SPOCK1: variants seen among roughly 807,000 people sequenced by gnomAD.
SPOCK1 encodes the protein testican-1.
In SPOCK1, 23 loss-of-function variants were observed where a neutral mutation model predicts 55.3. That is an observed-to-expected ratio of 0.42 (90% CI 0.30 to 0.59). The LOEUF is 0.59. SPOCK1 is among the 20% of genes least tolerant of loss of function. SPOCK1 has a pLI of 0.22. For synonymous variants in SPOCK1, 226 were observed against 221.0 expected, an observed-to-expected ratio of 1.02 and a Z score of -0.20; for missense variants, 499 against 552.5, an observed-to-expected ratio of 0.90 and a Z score of 0.97.
intron 2 of SPOCK1, among the ~76,000 whole-genome samples, chr5:137,380,823 A>C (rs1472121251): frequency 1.3e-5 from 2 of 152,164 alleles, no homozygotes; most frequent in Admixed American, 1.3e-4. Context: ...GGCCCCTTCC[A>C]AATCTCATGT....
At chr5:137,084,684 C>T (rs1057455808) in intron 5 of SPOCK1, among the ~76,000 whole-genome samples, 1 of 152,036 alleles carries the variant, frequency 6.6e-6, no homozygotes, top group Non-Finnish European at 1.5e-5. Flanking sequence ...GAAGGTTAAA[C>T]CACAGCGCCT....
At chr5:137,308,326 G>A (rs1053414951) in intron 2 of SPOCK1, among the ~76,000 whole-genome samples, 11 of 152,158 alleles carry the variant, frequency 7.2e-5, no homozygotes, top group Admixed American at 2.0e-4. Flanking sequence ...CCTCTCCTCT[G>A]CTCTGCTCTG....
chr5:137,144,109 G>A (rs1252414268), intron 3 of SPOCK1, among the ~76,000 whole-genome samples: 1 of 152,122 alleles, frequency 6.6e-6, no homozygotes, highest in African/African-American at 2.4e-5. Flanking sequence ...ACACCCCACA[G>A]GATGAGGTCA....
intron 2 of SPOCK1, among the ~76,000 whole-genome samples, chr5:137,335,895 A>G (rs1750263321): frequency 6.6e-6 from 1 of 152,230 alleles, no homozygotes; most frequent in Non-Finnish European, 1.5e-5. Flanking sequence ...TCGCCAATCT[A>G]GAACACAGCC....
chr5:137,125,528 T>C (rs972163163), intron 4 of SPOCK1, among the ~76,000 whole-genome samples: 4 of 152,052 alleles, frequency 2.6e-5, no homozygotes, highest in African/African-American at 9.7e-5. Context: ...AGTGCCCTTA[T>C]AAAAGAGACC....
chr5:137,199,643 C>T (rs1201917509), intron 3 of SPOCK1, among the ~76,000 whole-genome samples: 4 of 152,066 alleles, frequency 2.6e-5, no homozygotes, highest in Non-Finnish European at 4.4e-5. Context: ...GAGCAATTTC[C>T]TCTCAGCCTC....
chr5:137,376,521 G>C (rs900399528), intron 2 of SPOCK1, among the ~76,000 whole-genome samples: 3 of 152,192 alleles, frequency 2.0e-5, no homozygotes, highest in African/African-American at 7.2e-5. Context: ...CTCAGCCGTA[G>C]AGCTCCCCAG....
At chr5:137,293,887 T>G (rs200947464) in intron 2 of SPOCK1, among the ~76,000 whole-genome samples, 11 of 152,048 alleles carry the variant, frequency 7.2e-5, no homozygotes, top group Admixed American at 3.3e-4. Flanking sequence ...CGTGGTGGCA[T>G]GCGCCTGTAG....
chr5:137,313,555 C>T (rs1383249354), intron 2 of SPOCK1: 2 of 903,814 alleles, frequency 2.2e-6, no homozygotes, highest in Admixed American at 6.2e-5. Context: ...CAGCCTGCCT[C>T]CTACCTCCTC....
At chr5:137,232,673 C>T (rs1026681463) in intron 3 of SPOCK1, among the ~76,000 whole-genome samples, 4 of 152,136 alleles carry the variant, frequency 2.6e-5, no homozygotes, top group Non-Finnish European at 4.4e-5. Flanking sequence ...AGGGCCTGTG[C>T]CTTTCCATAT....
rs1449890553 is a variant in SPOCK1, at chr5:137,052,832, T to G, written c.589+14883A>C. On this transcript the variant is annotated intron_variant, in intron 6 of 10. Transcript: ENST00000394945. ...TGGGTAATTTTAAAAATTTATTCTT[T>G]GTATTTTGCAGTATTTTTAAGTGTT... is the stretch of plus-strand genomic sequence containing the variant. Among the ~76,000 whole-genome samples the G allele has an allele frequency of 2.0e-5, 3 of 152,184 alleles. No homozygotes were observed. The East Asian group carries it at 5.8e-4, about 29-fold the overall frequency.
At chr5:137,327,704 G>C (rs990164096) in intron 2 of SPOCK1, among the ~76,000 whole-genome samples, 4 of 152,144 alleles carry the variant, frequency 2.6e-5, no homozygotes, top group Non-Finnish European at 4.4e-5. Flanking sequence ...CTGTGCCTCT[G>C]TTTCCTCATC....
chr5:137,219,930 C>A (rs535511220), intron 3 of SPOCK1, among the ~76,000 whole-genome samples: 22 of 152,304 alleles, frequency 1.4e-4, no homozygotes, highest in African/African-American at 5.3e-4. Flanking sequence ...AAAATGTGAA[C>A]CTTTCTAGAG....
At chr5:137,307,499 A>G (rs1163982217) in intron 2 of SPOCK1, among the ~76,000 whole-genome samples, 1 of 151,834 alleles carries the variant, frequency 6.6e-6, no homozygotes, top group African/African-American at 2.4e-5. Context: ...TCTTCTCACC[A>G]TTTTTTTTGT....
At chr5:137,135,246 G>GAAAATCAATGGCAACAGAGAGGT (rs1753958829) in intron 4 of SPOCK1, among the ~76,000 whole-genome samples, 1 of 152,148 alleles carries the variant, frequency 6.6e-6, no homozygotes, top group African/African-American at 2.4e-5. Flanking sequence ...TTCTCCAAAT[G>GAAAATCAATGGCAACAGAGAGGT]AAAATCAATG....
intron 6 of SPOCK1, among the ~76,000 whole-genome samples, chr5:137,018,704 ATTTT>A (rs913291133): frequency 6.6e-6 from 1 of 151,822 alleles, no homozygotes; most frequent in Non-Finnish European, 1.5e-5. Flanking sequence ...GCATATTAGG[ATTTT>A]TTTTGAGTAT....
At chr5:137,315,701 C>T (rs906455046) in intron 2 of SPOCK1, among the ~76,000 whole-genome samples, 13 of 152,200 alleles carry the variant, frequency 8.5e-5, no homozygotes, top group African/African-American at 2.4e-4. Flanking sequence ...AGACTAGGCA[C>T]AGTGTCTGTC....
intron 3 of SPOCK1, among the ~76,000 whole-genome samples, chr5:137,238,867 A>G (rs1756232219): frequency 6.6e-6 from 1 of 152,256 alleles, no homozygotes; most frequent in Non-Finnish European, 1.5e-5. Context: ...AAGGCTAAAA[A>G]GTGATTGATA....
chr5:137,211,845 C>T (rs1196589530), intron 3 of SPOCK1, among the ~76,000 whole-genome samples: 2 of 152,144 alleles, frequency 1.3e-5, no homozygotes, highest in Non-Finnish European at 2.9e-5. Flanking sequence ...AAGGGTGGTG[C>T]ACCCCAAGAG....
Sources: gnomAD v4.1 joint callset for allele counts (sites outside exome capture counted in the v4.1 genomes callset) on GRCh38, gnomAD v4.1.1 for gene constraint, MANE v1.5 for transcripts, NCBI Gene and HGNC (gene_info 2026-07-23, HGNC 2026-07-21) for gene names.